The following CHST11 variants were observed in gnomAD, a reference collection of about 807,000 sequenced individuals.
The protein encoded by CHST11 is C4S-1.
A neutral mutation model predicts 30.4 loss-of-function variants in CHST11; 9 were observed. That is an observed-to-expected ratio of 0.30 (90% CI 0.18 to 0.52). The LOEUF is 0.52. CHST11 is among the 20% of genes least tolerant of loss of function. CHST11 has a pLI of 0.97. For missense variants in CHST11, 348 were observed against 460.6 expected, an observed-to-expected ratio of 0.76 and a Z score of 2.24; for synonymous variants, 152 against 187.8, an observed-to-expected ratio of 0.81 and a Z score of 1.56.
intron 2 of CHST11, among the ~76,000 whole-genome samples, chr12:104,726,592 C>A (rs1592861120): frequency 6.6e-6 from 1 of 152,160 alleles, no homozygotes; most frequent in East Asian, 1.9e-4. Context: ...CCCCTCCTCT[C>A]CCCCAAGACA....
intron 2 of CHST11, among the ~76,000 whole-genome samples, chr12:104,681,132 T>TACTCC (rs1209266740): frequency 6.6e-6 from 1 of 152,198 alleles, no homozygotes; most frequent in Non-Finnish European, 1.5e-5. Context: ...GAAGGAAAGG[T>TACTCC]ACAACACTTC....
intron 2 of CHST11, among the ~76,000 whole-genome samples, chr12:104,727,890 AATG>A (rs1456485535): frequency 2.0e-5 from 3 of 152,116 alleles, no homozygotes; most frequent in Non-Finnish European, 4.4e-5. Flanking sequence ...CCTCCAAGGA[AATG>A]ATATCTTAGC....
At chr12:104,486,255 C>G (rs778115938) in intron 1 of CHST11, among the ~76,000 whole-genome samples, 1 of 151,580 alleles carries the variant, frequency 6.6e-6, no homozygotes, top group African/African-American at 2.4e-5. Flanking sequence ...GGGCAGTCTT[C>G]CTGCTTCACT....
intron 2 of CHST11, among the ~76,000 whole-genome samples, chr12:104,721,401 C>T: frequency 6.6e-6 from 1 of 152,260 alleles, no homozygotes. Flanking sequence ...GGCTCACTGT[C>T]TCTGACCGTC....
At chr12:104,556,670 G>A (rs1273640654) in intron 1 of CHST11, among the ~76,000 whole-genome samples, 1 of 152,160 alleles carries the variant, frequency 6.6e-6, no homozygotes, top group Non-Finnish European at 1.5e-5. Context: ...TTCCATGTGT[G>A]TCTCTGTATT....
chr12:104,477,592 A>G (rs954763301), intron 1 of CHST11, among the ~76,000 whole-genome samples: 2 of 152,090 alleles, frequency 1.3e-5, no homozygotes, highest in Non-Finnish European at 2.9e-5. Context: ...TAGTGCCCTT[A>G]TAAAAGAGAC....
At chr12:104,496,660 AT>A (rs2037800425) in intron 1 of CHST11, among the ~76,000 whole-genome samples, 1 of 151,908 alleles carries the variant, frequency 6.6e-6, no homozygotes. Flanking sequence ...TTTTGTGAAC[AT>A]TTTTCTTATT....
chr12:104,483,486 G>A (rs1262488183), intron 1 of CHST11, among the ~76,000 whole-genome samples: 4 of 152,194 alleles, frequency 2.6e-5, no homozygotes, highest in South Asian at 2.1e-4. Flanking sequence ...GATTACAGGC[G>A]TGAGCCACCG....
intron 1 of CHST11, chr12:104,552,266 A>C (rs979752600): frequency 1.3e-5 from 2 of 152,324 alleles, no homozygotes; most frequent in Non-Finnish European, 2.9e-5. Flanking sequence ...CCATTTGCCC[A>C]GATGTTCTTC....
intron 2 of CHST11, among the ~76,000 whole-genome samples, chr12:104,620,630 A>G (rs536793672): frequency 3.2e-4 from 49 of 152,170 alleles, no homozygotes; most frequent in South Asian, 4.1e-4. Flanking sequence ...TTATTTATTT[A>G]TTTGTTTGTT....
chr12:104,739,146 C>T (rs757464137), intron 2 of CHST11, among the ~76,000 whole-genome samples: 21 of 152,166 alleles, frequency 1.4e-4, no homozygotes, highest in Admixed American at 1.1e-3. Flanking sequence ...GTAGTGGGTG[C>T]GGGCAAGAGC....
intron 2 of CHST11, among the ~76,000 whole-genome samples, chr12:104,694,823 T>C (rs2039929678): frequency 6.6e-6 from 1 of 152,184 alleles, no homozygotes; most frequent in Admixed American, 6.5e-5. Context: ...ATCAGAACTT[T>C]ATGCCTGCTC....
chr12:104,526,977 C>G (rs1020474947), intron 1 of CHST11, among the ~76,000 whole-genome samples: 1 of 152,172 alleles, frequency 6.6e-6, no homozygotes, highest in Non-Finnish European at 1.5e-5. Context: ...CTCTAGCCTC[C>G]CCTCCCAAAT....
At chr12:104,619,003 A>G (rs2039135031) in intron 2 of CHST11, among the ~76,000 whole-genome samples, 1 of 152,238 alleles carries the variant, frequency 6.6e-6, no homozygotes, top group Admixed American at 6.5e-5. Flanking sequence ...AGGAGTATAC[A>G]GAGCTTGTAA....
At chr12:104,559,069 G>A (rs778027277) in intron 1 of CHST11, among the ~76,000 whole-genome samples, 13 of 151,736 alleles carry the variant, frequency 8.6e-5, no homozygotes, top group Non-Finnish European at 1.8e-4. Flanking sequence ...CCGAGAGGGA[G>A]GAGCTGTGGT....
At position 104,600,314 on chromosome 12, in the gene CHST11, C is replaced by T. The variant is rs1391175337; in HGVS notation, c.119-1592C>T. Among the ~76,000 whole-genome samples the T allele has an allele frequency of 6.6e-6, 1 of 152,142 alleles. No individual in the cohort carries two copies. Among genetic ancestry groups the T allele is most frequent in the East Asian group, 1.9e-4 (1 of 5,200 alleles). On this transcript the variant is annotated intron_variant, in intron 1 of 2. Coordinates refer to ENST00000303694, the MANE Select transcript of CHST11 (RefSeq NM_018413.6). The surrounding 1 kb of genome is among the most constrained non-coding windows in gnomAD (Gnocchi z 4.1). ...TCTAAGCAGAGGTCCCTGGGCTAAC[C>T]CCCTGCAGCCAGCCCTCCCAGTCAT... is the stretch of plus-strand genomic sequence containing the variant.
chr12:104,569,311 A>G (rs1270610172), intron 1 of CHST11, among the ~76,000 whole-genome samples: 3 of 152,244 alleles, frequency 2.0e-5, no homozygotes, highest in South Asian at 2.1e-4. Context: ...GTGAGACTCC[A>G]TAGCTTTTCA....
intron 2 of CHST11, among the ~76,000 whole-genome samples, chr12:104,649,502 A>G (rs1220594185): frequency 6.6e-6 from 1 of 152,188 alleles, no homozygotes; most frequent in Non-Finnish European, 1.5e-5. Flanking sequence ...TCTGTAGTAG[A>G]GCTAGGATTA....
chr12:104,735,093 G>A (rs1490291043), intron 2 of CHST11, among the ~76,000 whole-genome samples: 1 of 152,188 alleles, frequency 6.6e-6, no homozygotes, highest in Non-Finnish European at 1.5e-5. Flanking sequence ...GAACTTCAGG[G>A]AGCAGAGGTA....
Sources: allele counts gnomAD v4.1 joint callset (sites outside exome capture counted in the v4.1 genomes callset), GRCh38; gene constraint gnomAD v4.1.1; non-coding constraint Gnocchi (gnomAD v3.1); transcripts MANE v1.5; gene names NCBI Gene and HGNC (gene_info 2026-07-23, HGNC 2026-07-21).